Variants in BAZ2B observed in about 807,000 individuals in gnomAD.
BAZ2B encodes the protein bromodomain adjacent to zinc finger domain protein 2B.
BAZ2B carries 91 observed loss-of-function variants against 246.0 expected under a neutral mutation model. That is an observed-to-expected ratio of 0.37 (90% CI 0.31 to 0.44). BAZ2B has a LOEUF of 0.44. Ranked by LOEUF, BAZ2B falls within the 20% of genes least tolerant of loss-of-function variation. BAZ2B has a pLI of 1.00. For synonymous variants in BAZ2B, 855 were observed against 860.0 expected, an observed-to-expected ratio of 0.99 and a Z score of 0.10; for missense variants, 2,332 against 2,533.7, an observed-to-expected ratio of 0.92 and a Z score of 1.71.
the BAZ2B span, among the ~76,000 whole-genome samples, chr2:159,692,586 C>T: frequency 1.3e-4 from 20 of 152,244 alleles, no homozygotes; most frequent in African/African-American, 4.8e-4. Flanking sequence ...CATGGTGGCA[C>T]ACGCCTGTAA....
At chr2:159,707,534 T>C in the BAZ2B span, among the ~76,000 whole-genome samples, 2 of 150,472 alleles carry the variant, frequency 1.3e-5, no homozygotes, top group South Asian at 2.1e-4. Flanking sequence ...CTACTAAAAA[T>C]AGAAAAATTG....
At chr2:159,424,837 T>G (rs2069486110) in intron 13 of BAZ2B, among the ~76,000 whole-genome samples, 1 of 152,184 alleles carries the variant, frequency 6.6e-6, no homozygotes, top group Non-Finnish European at 1.5e-5. Context: ...GTTATGCAAA[T>G]AGTTGTTACA....
At position 159,349,963 on chromosome 2, in the gene BAZ2B, T is replaced by A; in HGVS notation, c.4608A>T (p.Pro1536=). 6.2e-7 allele frequency: 1 copy of A among 1,614,230 alleles called. No homozygotes were observed. The highest frequency in any genetic ancestry group is 8.5e-7 in the Non-Finnish European group (1 of 1,180,020). The change falls in exon 28 of 37, where the codon CCA becomes CCT. Residue 1536 remains proline (P), a synonymous_variant. Transcript: ENST00000392783. ...NNLFNTGSSG[P]GKFYSPLPND... ...TGGGGAGAGGACTGTAGAACTTCCC[T>A]GGACCACTTGAACCAGTATTAAACA... is the stretch of plus-strand genomic sequence containing the variant.
At chr2:159,480,397 A>G (rs987732404) in intron 2 of BAZ2B, among the ~76,000 whole-genome samples, 5 of 152,258 alleles carry the variant, frequency 3.3e-5, no homozygotes, top group Middle Eastern at 3.4e-3. Flanking sequence ...TTATAGGATA[A>G]TATGCTATGA....
At chr2:159,541,330 G>A (rs2086640246) in intron 2 of BAZ2B, among the ~76,000 whole-genome samples, 1 of 151,894 alleles carries the variant, frequency 6.6e-6, no homozygotes, top group African/African-American at 2.4e-5. Flanking sequence ...CCAGGCTGGA[G>A]TGTAGTGGCA....
Position 159,325,043 on chromosome 2 carries a change from T to TATA in BAZ2B, c.6210-90_6210-89insTAT, listed in dbSNP as rs1445059305. 2.5e-3 allele frequency: 13 copies of TATA among 5,200 alleles called. 2 individuals carry two copies. Among genetic ancestry groups the TATA allele is most frequent in the Non-Finnish European group, 1.9e-3 (4 of 2,112 alleles). The allele number at this position is 5,200 out of a possible 1,614,324, so 0.3% of individuals were successfully genotyped here. ...AAAGCTTTCAGTTATTATATATATA[T>TATA]TATATATATATATATATTATATATA... On this transcript the variant is annotated intron_variant, in intron 35 of 36. Transcript: ENST00000392783.
Position 159,551,696 on chromosome 2 carries a change from G to A in BAZ2B, c.-3+4127C>T, listed in dbSNP as rs2088276898. Among the ~76,000 whole-genome samples the A allele has an allele frequency of 2.0e-5, 3 of 152,068 alleles. No homozygotes were observed. In the South Asian group the frequency reaches 6.2e-4, roughly 32 times the overall value. ...TTATTTTATTATACTTTCTATAAAT[G>A]CTATTTAGACACCTTTAATCAAGTA... is the stretch of plus-strand genomic sequence containing the variant. On this transcript the variant is annotated intron_variant, in intron 2 of 36. Transcript: ENST00000392783.
intron 27 of BAZ2B, among the ~76,000 whole-genome samples, chr2:159,372,371 C>T (rs925635856): frequency 6.6e-6 from 1 of 152,182 alleles, no homozygotes; most frequent in Admixed American, 6.5e-5. Context: ...ACTAACATAA[C>T]ACTTTTGTCC....
At chr2:159,440,752 A>C (rs893482645) in intron 6 of BAZ2B, among the ~76,000 whole-genome samples, 1 of 151,072 alleles carries the variant, frequency 6.6e-6, no homozygotes, top group African/African-American at 2.4e-5. Context: ...CTCATGATGC[A>C]CCCGCCTCGG....
At chr2:159,676,018 C>T in the BAZ2B span, among the ~76,000 whole-genome samples, 18 of 152,302 alleles carry the variant, frequency 1.2e-4, no homozygotes, top group Middle Eastern at 3.4e-3. Context: ...GCCTCAGTCT[C>T]CCGAGTAGCT....
chr2:159,524,226 C>A (rs769058658), intron 2 of BAZ2B, among the ~76,000 whole-genome samples: 4 of 151,938 alleles, frequency 2.6e-5, no homozygotes, highest in Non-Finnish European at 5.9e-5. Flanking sequence ...TTGTGACCAG[C>A]CTGGGCAACA....
intron 2 of BAZ2B, among the ~76,000 whole-genome samples, chr2:159,505,287 C>A (rs1232003495): frequency 6.6e-6 from 1 of 152,112 alleles, no homozygotes; most frequent in African/African-American, 2.4e-5. Context: ...GTTTACCATA[C>A]AATTCCTTTA....
the BAZ2B span, among the ~76,000 whole-genome samples, chr2:159,674,316 C>T: frequency 3.5e-5 from 4 of 113,646 alleles, no homozygotes; most frequent in East Asian, 2.5e-4. Flanking sequence ...GCCTGGGCAA[C>T]GAAGTGAGAC....
At position 159,433,259 on chromosome 2, in the gene BAZ2B, A is replaced by T; in HGVS notation, c.1398T>A (p.Ser466Arg). 6.2e-7 allele frequency: 1 copy of T among 1,614,118 alleles called. No homozygotes were observed. Among genetic ancestry groups the T allele is most frequent in the Non-Finnish European group, 8.5e-7 (1 of 1,180,002 alleles). The change falls in exon 9 of 37, where the codon AGT becomes AGA. Residue 466 changes from serine (S) to arginine (R), a missense_variant. Ser to Arg is a moderately radical substitution (Grantham distance 110, BLOSUM62 -1). This residue lies in a region of BAZ2B where 651 missense variants were observed against 650.9 expected (regional missense o/e 1.00). Transcript: ENST00000392783. ...AALSNPKATS[S>R]SPAHPKQTLE... ...ATGTTTGTTTTGGATGTGCTGGTGA[A>T]CTAGAGGTTGCTTTTGGATTTGACA... is the stretch of plus-strand genomic sequence containing the variant.
At chr2:159,698,276 C>CT in the BAZ2B span, among the ~76,000 whole-genome samples, 1 of 152,036 alleles carries the variant, frequency 6.6e-6, no homozygotes, top group African/African-American at 2.4e-5. Context: ...AATCCCAACA[C>CT]TTTGGGATGC....
chr2:159,433,466 T>C (rs2071531770), intron 8 of BAZ2B, 103 bp from the exon 9 acceptor site: 9 of 1,033,124 alleles, frequency 8.7e-6, no homozygotes, highest in African/African-American at 3.2e-5. Context: ...TATTATATCA[T>C]ATATAAATTT....
chr2:159,571,547 G>T (rs536313706), intron 1 of BAZ2B, among the ~76,000 whole-genome samples: 1 of 152,290 alleles, frequency 6.6e-6, no homozygotes, highest in East Asian at 1.9e-4. Flanking sequence ...CATGATTAGG[G>T]AGTTAGAGCT....
chr2:159,533,488 T>A (rs1402034811), intron 2 of BAZ2B, among the ~76,000 whole-genome samples: 2 of 152,166 alleles, frequency 1.3e-5, no homozygotes, highest in African/African-American at 2.4e-5. Flanking sequence ...ATTTTCAGCT[T>A]TATATATAAC....
chr2:159,496,167 A>C (rs1213406131), intron 2 of BAZ2B, among the ~76,000 whole-genome samples: 2 of 149,404 alleles, frequency 1.3e-5, no homozygotes, highest in Non-Finnish European at 3.0e-5. Context: ...CGAGGTCAGA[A>C]GATCGAGACC....
Sources: gnomAD v4.1 joint callset for allele counts (sites outside exome capture counted in the v4.1 genomes callset) on GRCh38, gnomAD v4.1.1 for gene constraint, gnomAD v4.1.1 regional missense constraint, MANE v1.5 for transcripts, NCBI Gene and HGNC (gene_info 2026-07-23, HGNC 2026-07-21) for gene names.